The following LYAR variants were observed in gnomAD, a reference collection of about 807,000 sequenced individuals.
LYAR encodes the protein cell growth-regulating nucleolar protein.
LYAR carries 37 observed loss-of-function variants against 45.2 expected under a neutral mutation model. The observed-to-expected ratio is 0.82, with a 90% confidence interval of 0.63 to 1.08. LYAR has a LOEUF of 1.08. Ranked by LOEUF, LYAR falls within the 50% of genes least tolerant of loss-of-function variation. The pLI is 0.00. For missense variants in LYAR, 493 were observed against 451.0 expected (o/e 1.09, Z -0.84); for synonymous variants, 176 against 155.1 (o/e 1.14, Z -1.00).
Position 4,281,846 on chromosome 4 carries a change from A to G in LYAR, c.174T>C (p.Tyr58=), listed in dbSNP as rs1159095725. The G allele has an allele frequency of 9.9e-6, 16 of 1,614,148 alleles. No homozygotes were observed. The highest frequency in any genetic ancestry group is 1.4e-5 in the Non-Finnish European group (16 of 1,180,000). ...TTTTACCTTCATAGCCTTTGCCACCATACTTCTGATCTTCACTTATGCATT... is the reference window on the plus strand; with the variant it reads ...TTTTACCTTCATAGCCTTTGCCACCGTACTTCTGATCTTCACTTATGCATT... ...HVKCISEDQK[Y]GGKGYEGKTH... The change falls in exon 4 of 10, where the codon TAT becomes TAC. Residue 58 remains tyrosine (Y), a synonymous_variant. Coordinates refer to ENST00000343470, the MANE Select transcript of LYAR (RefSeq NM_017816.3).
Position 4,273,593 on chromosome 4 carries a change from A to C in LYAR, c.909T>G (p.Ala303=), listed in dbSNP as rs779973483. The C allele has an allele frequency of 2.5e-6, 4 of 1,612,618 alleles. No individual in the cohort carries two copies. The Admixed American group carries it at 6.7e-5, about 27-fold the overall frequency. The change falls in exon 8 of 10, where the codon GCT becomes GCG. Residue 303 remains alanine, a synonymous_variant. Transcript: ENST00000343470. ...ACAGCAGTGATATACCTTTTGCAGG[A>C]GCCTCATCGTCTTCTGGTTCTCCGC... ...PEGGEPEDDE[A]PAKGKFNWKG...
intron 6 of LYAR, among the ~76,000 whole-genome samples, chr4:4,276,811 C>T (rs1310502633): frequency 2.6e-5 from 4 of 151,876 alleles, no homozygotes; most frequent in African/African-American, 7.3e-5. Flanking sequence ...GAGCCAAGAT[C>T]GTGCCACTGT....
rs1322744200 is a variant in LYAR, at chr4:4,290,089, T to C, written c.-161A>G. 6.6e-6 allele frequency: 1 copy of C among 152,634 alleles called. No individual in the cohort carries two copies. The highest frequency in any genetic ancestry group is 2.4e-5 in the African/African-American group (1 of 41,418). 9.5% of individuals were successfully genotyped at this position (152,634 alleles called of 1,614,324 possible). ...AACCGGCCGCGGGGAGCACGTGGAC[T>C]CGCCGCCGCCAGCCCAGCGCCGCAG... On this transcript the variant is annotated 5_prime_UTR_variant, in exon 1 of 10. Coordinates refer to ENST00000343470, the MANE Select transcript of LYAR (RefSeq NM_017816.3).
chr4:4,280,646 G>C (rs1291718463), intron 4 of LYAR, among the ~76,000 whole-genome samples: 1 of 152,164 alleles, frequency 6.6e-6, no homozygotes, highest in East Asian at 1.9e-4. Context: ...TAGGGTCTAG[G>C]AACGTCATCT....
intron 6 of LYAR, among the ~76,000 whole-genome samples, chr4:4,276,035 T>G (rs182130299): frequency 1.7e-4 from 26 of 152,306 alleles, no homozygotes; most frequent in African/African-American, 6.0e-4. Context: ...GAGCCTACTT[T>G]AAACAGTGAC....
chr4:4,282,595 A>T (rs191060906), intron 3 of LYAR, among the ~76,000 whole-genome samples: 4 of 152,358 alleles, frequency 2.6e-5, no homozygotes, highest in African/African-American at 9.6e-5. Context: ...CGAATGCCTC[A>T]GAGGACACTG....
At chr4:4,285,341 G>C (rs182441533) in intron 2 of LYAR, among the ~76,000 whole-genome samples, 34 of 152,304 alleles carry the variant, frequency 2.2e-4, no homozygotes, top group African/African-American at 7.2e-4. Flanking sequence ...TTACTGTAAA[G>C]ATGTGTGATA....
intron 6 of LYAR, among the ~76,000 whole-genome samples, chr4:4,277,078 G>A (rs1019622026): frequency 1.3e-5 from 2 of 151,876 alleles, no homozygotes; most frequent in Non-Finnish European, 2.9e-5. Context: ...ACTGAGTCTC[G>A]CTCTATCACC....
At chr4:4,284,057 C>A (rs2108850706) in intron 2 of LYAR, among the ~76,000 whole-genome samples, 1 of 152,340 alleles carries the variant, frequency 6.6e-6, no homozygotes, top group South Asian at 2.1e-4. Flanking sequence ...CCCGCAGTAA[C>A]CCTATGAGGG....
chr4:4,279,971 T>C (rs1719334772), intron 4 of LYAR, among the ~76,000 whole-genome samples: 1 of 152,208 alleles, frequency 6.6e-6, no homozygotes, highest in South Asian at 2.1e-4. Flanking sequence ...AAAGGCATCC[T>C]AACTGCAAAG....
At chr4:4,278,729 T>C (rs557128106) in intron 6 of LYAR, among the ~76,000 whole-genome samples, 1 of 152,354 alleles carries the variant, frequency 6.6e-6, no homozygotes, top group South Asian at 2.1e-4. Context: ...TGAATATTAC[T>C]ATCCACATTT....
intron 1 of LYAR, among the ~76,000 whole-genome samples, chr4:4,289,368 G>A (rs1416831840): frequency 6.6e-6 from 1 of 152,136 alleles, no homozygotes; most frequent in African/African-American, 2.4e-5. Context: ...TAAGTCCCAA[G>A]TGGGCCCTCT....
chr4:4,286,577 A>C lies in LYAR; in HGVS notation c.-107-5T>G, dbSNP rs1309668574. 1 of 152,134 alleles carries C rather than the reference A, an allele frequency of 6.6e-6. No individual in the cohort carries two copies. The highest frequency in any genetic ancestry group is 1.5e-5 in the Non-Finnish European group (1 of 68,046). 9.4% of individuals were successfully genotyped at this position (152,134 alleles called of 1,614,324 possible). ...ATGGAAGACAGCAAACATTGCCTAA[A>C]ACAAAAAAGTAAAACGGTATTGTTC... On this transcript the variant is annotated splice_region_variant and splice_polypyrimidine_tract_variant and intron_variant, in intron 1 of 9. Transcript: ENST00000343470.
In LYAR at chr4:4,279,454, G is replaced by A. The variant is rs769962396; in HGVS notation, c.422C>T (p.Ser141Phe). The A allele has an allele frequency of 1.4e-5, 22 of 1,607,494 alleles. No individual in the cohort carries two copies. In the South Asian group the frequency reaches 2.4e-4, roughly 18 times the overall value. Residue 141 changes from serine (S) to phenylalanine (F), a missense_variant, in exon 6 of 10, where the codon TCC (serine) becomes TTC (phenylalanine). Ser to Phe is a radical substitution (Grantham distance 155). Coordinates refer to ENST00000343470, the MANE Select transcript of LYAR (RefSeq NM_017816.3). ...AAATCAGATCTGACTTACGCTGTTG[G>A]AAGCTTCAGAAAAGATATTCCACAC... Reference protein sequence around the residue: ...DQVWNIFSEASNSEPVNKEQD... With the variant: ...DQVWNIFSEAFNSEPVNKEQD...
Position 4,283,793 on chromosome 4 carries a change from G to C in LYAR, c.-51C>G. ...CTATCCAAGACAGGTTTTAAGTCTT[G>C]TCCTAAGGAAAAAAAGACAATTATA... On this transcript the variant is annotated splice_region_variant and 5_prime_UTR_variant, in exon 3 of 10. Coordinates refer to ENST00000343470, the MANE Select transcript of LYAR (RefSeq NM_017816.3). 6.9e-7 allele frequency: 1 copy of C among 1,445,766 alleles called. No homozygotes were observed. The allele number at this position is 1,445,766 out of a possible 1,614,324, so 89.6% of individuals were successfully genotyped here.
Position 4,268,600 on chromosome 4 carries a change from T to C in LYAR, c.935A>G (p.Lys312Arg), listed in dbSNP as rs1718805442. The C allele has an allele frequency of 3.1e-6, 5 of 1,602,282 alleles. No homozygotes were observed. Among genetic ancestry groups the C allele is most frequent in the Non-Finnish European group, 4.3e-6 (5 of 1,171,140 alleles). Residue 312 changes from lysine (K) to arginine (R), a missense_variant, in exon 9 of 10, where the codon AAG becomes AGG. Coordinates refer to ENST00000343470, the MANE Select transcript of LYAR (RefSeq NM_017816.3). ...EAPAKGKFNW[K>R]GTIKAILKQA... ...TTTCAGAATTGCTTTAATAGTTCCC[T>C]TCCAGTTGAATTTACCTACAATATA...
intron 8 of LYAR, among the ~76,000 whole-genome samples, chr4:4,269,917 T>TATAATA (rs1236557741): frequency 6.6e-6 from 1 of 152,188 alleles, no homozygotes; most frequent in Non-Finnish European, 1.5e-5. Flanking sequence ...AATGTACATG[T>TATAATA]ATAATAAAAC....
At chr4:4,269,769 A>T (rs1360747559) in intron 8 of LYAR, among the ~76,000 whole-genome samples, 4 of 152,230 alleles carry the variant, frequency 2.6e-5, no homozygotes. Flanking sequence ...TTCAATAAAA[A>T]ATGTAAGACT....
intron 1 of LYAR, chr4:4,289,778 G>T (rs1719783248): frequency 6.6e-6 from 1 of 152,288 alleles, no homozygotes; most frequent in African/African-American, 2.4e-5. Flanking sequence ...AGCCCAGTCG[G>T]GCGGTGACCA....
Sources: allele counts gnomAD v4.1 joint callset (sites outside exome capture counted in the v4.1 genomes callset), GRCh38; gene constraint gnomAD v4.1.1; transcripts MANE v1.5; gene names NCBI Gene and HGNC (gene_info 2026-07-23, HGNC 2026-07-21).